Variants in ZFR observed in about 807,000 individuals in gnomAD.
ZFR encodes zinc finger RNA binding protein, also known as zinc finger RNA-binding protein.
ZFR carries 19 observed loss-of-function variants against 130.7 expected under a neutral mutation model. The observed-to-expected ratio is 0.15, with a 90% CI of 0.10 to 0.21. The LOEUF (loss-of-function observed/expected upper bound fraction) is 0.21, where lower values mean the gene tolerates loss of function less well. Ranked by LOEUF, ZFR falls within the 10% of genes least tolerant of loss-of-function variation. ZFR has a pLI of 1.00. For missense variants in ZFR, 872 were observed against 1,321.5 expected, an observed-to-expected ratio of 0.66 and a Z score of 5.27; for synonymous variants, 466 against 456.9, an observed-to-expected ratio of 1.02 and a Z score of -0.25.
chr5:32,437,890 T>C (rs1005702088), intron 2 of ZFR, among the ~76,000 whole-genome samples: 1 of 152,184 alleles, frequency 6.6e-6, no homozygotes, highest in Admixed American at 6.5e-5. Flanking sequence ...TCCTTCCTTA[T>C]CATTTCTGCA....
At chr5:32,405,263 A>C (rs1356071873) in intron 6 of ZFR, among the ~76,000 whole-genome samples, 1 of 152,206 alleles carries the variant, frequency 6.6e-6, no homozygotes, top group African/African-American at 2.4e-5. Flanking sequence ...TAAGGTCTCT[A>C]AATTGCCCAA....
intron 5 of ZFR, among the ~76,000 whole-genome samples, chr5:32,412,339 T>A (rs1471132937): frequency 6.6e-6 from 1 of 152,178 alleles, no homozygotes; most frequent in African/African-American, 2.4e-5. Flanking sequence ...ATCAGATAAA[T>A]CCAGATATGG....
chr5:32,388,877 T>C (rs922294378), intron 12 of ZFR, among the ~76,000 whole-genome samples: 1 of 147,184 alleles, frequency 6.8e-6, no homozygotes, highest in Non-Finnish European at 1.5e-5. Context: ...TGCATGCATG[T>C]ACACCCACTT....
At chr5:32,384,534 T>C (rs1752995058) in intron 15 of ZFR, among the ~76,000 whole-genome samples, 1 of 152,216 alleles carries the variant, frequency 6.6e-6, no homozygotes. Context: ...AGACTACTGA[T>C]GCTATTTTAT....
chr5:32,419,617 C>A (rs1286141239), intron 3 of ZFR, among the ~76,000 whole-genome samples: 3 of 152,318 alleles, frequency 2.0e-5, no homozygotes, highest in Admixed American at 6.5e-5. Flanking sequence ...GGATTACAGG[C>A]ATGAGCCACC....
chr5:32,366,202 A>G (rs1752542977), intron 17 of ZFR, among the ~76,000 whole-genome samples: 1 of 152,236 alleles, frequency 6.6e-6, no homozygotes, highest in Non-Finnish European at 1.5e-5. Flanking sequence ...AACCAAGAGT[A>G]ATAATTAGCA....
chr5:32,436,640 C>A (rs1429560640), intron 2 of ZFR, among the ~76,000 whole-genome samples: 1 of 152,034 alleles, frequency 6.6e-6, no homozygotes, highest in Admixed American at 6.6e-5. Flanking sequence ...ATAATGTTTT[C>A]TTTTCTTCAT....
intron 17 of ZFR, among the ~76,000 whole-genome samples, chr5:32,373,143 C>T (rs1175741607): frequency 6.6e-6 from 1 of 152,136 alleles, no homozygotes; most frequent in Non-Finnish European, 1.5e-5. Flanking sequence ...GCCTGTAATC[C>T]CAGCACTTTG....
chr5:32,377,713 A>T (rs1752853959), intron 17 of ZFR, among the ~76,000 whole-genome samples: 1 of 152,060 alleles, frequency 6.6e-6, no homozygotes, highest in East Asian at 1.9e-4. Flanking sequence ...TTTGAGATGA[A>T]GTCTCACTCT....
chr5:32,427,892 T>G (rs1417534569), intron 2 of ZFR, among the ~76,000 whole-genome samples: 1 of 152,190 alleles, frequency 6.6e-6, no homozygotes, highest in Non-Finnish European at 1.5e-5. Context: ...CAAATGGTGT[T>G]AGGAAAACTG....
chr5:32,415,427 A>G (rs965384740), intron 4 of ZFR, among the ~76,000 whole-genome samples: 5 of 152,034 alleles, frequency 3.3e-5, no homozygotes, highest in African/African-American at 9.7e-5. Context: ...TTATTTTGGC[A>G]AAACTTACAA....
intron 2 of ZFR, among the ~76,000 whole-genome samples, chr5:32,441,871 T>C (rs1754482747): frequency 6.6e-6 from 1 of 152,184 alleles, no homozygotes; most frequent in Non-Finnish European, 1.5e-5. Context: ...GTCAAAAGAC[T>C]AGTCTTTTCT....
intron 17 of ZFR, among the ~76,000 whole-genome samples, chr5:32,365,833 C>T (rs1416269867): frequency 6.6e-6 from 1 of 152,134 alleles, no homozygotes; most frequent in African/African-American, 2.4e-5. Context: ...CTCCTGGACT[C>T]ATGTAAACCA....
chr5:32,363,829 T>C, intron 19 of ZFR, 119 bp downstream of exon 19: 1 of 806,984 alleles, frequency 1.2e-6, no homozygotes, highest in African/African-American at 1.7e-5. Context: ...GCTTGCTTAC[T>C]ACAGAAGCAG....
chr5:32,356,574 G>C (rs1221256906), intron 19 of ZFR, among the ~76,000 whole-genome samples: 1 of 151,746 alleles, frequency 6.6e-6, no homozygotes, highest in Non-Finnish European at 1.5e-5. Context: ...CACCACGCCT[G>C]GCTAATTTTT....
intron 15 of ZFR, among the ~76,000 whole-genome samples, 165 bp downstream of exon 15, chr5:32,385,343 T>G (rs138455239): frequency 2.0e-5 from 3 of 152,236 alleles, no homozygotes; most frequent in Non-Finnish European, 4.4e-5. Context: ...GAGCATTTAC[T>G]CTGTGGGAAA....
At chr5:32,420,438 A>G (rs1009760537) in intron 2 of ZFR, among the ~76,000 whole-genome samples, 2 of 152,208 alleles carry the variant, frequency 1.3e-5, no homozygotes, top group Non-Finnish European at 2.9e-5. Context: ...AAACTGACCA[A>G]ATTAGGAACT....
intron 10 of ZFR, 41 bp downstream of exon 10, chr5:32,397,171 GTTTTTGT>G (rs1286263944): frequency 2.6e-6 from 4 of 1,555,496 alleles, no homozygotes; most frequent in Non-Finnish European, 3.5e-6. Context: ...GGGTGTTTTT[GTTTTTGT>G]TTTTTGTTTT....
chr5:32,439,804 TAAAAAAAAAAA>T (rs11446399), intron 2 of ZFR, among the ~76,000 whole-genome samples: 2 of 72,462 alleles, frequency 2.8e-5, no homozygotes, highest in Admixed American at 2.1e-4. Flanking sequence ...ACCATGTCTT[TAAAAAAAAAAA>T]AAAAAAAAAA....
Sources: gnomAD v4.1 joint callset for allele counts (sites outside exome capture counted in the v4.1 genomes callset) on GRCh38, gnomAD v4.1.1 for gene constraint, MANE v1.5 for transcripts, NCBI Gene and HGNC (gene_info 2026-07-23, HGNC 2026-07-21) for gene names.